The following ZDHHC14 variants were observed in gnomAD, a reference collection of about 807,000 sequenced individuals.
ZDHHC14 encodes zDHHC palmitoyltransferase 14.
In ZDHHC14, 16 loss-of-function variants were observed where a neutral mutation model predicts 47.7. The ratio of observed to expected loss-of-function variants is 0.34; its 90% CI spans 0.23 to 0.51. ZDHHC14 has a LOEUF of 0.51. ZDHHC14 is among the 20% of genes least tolerant of loss of function. The pLI is 0.97. For missense variants in ZDHHC14, 515 were observed against 662.5 expected, an observed-to-expected ratio of 0.78 and a Z score of 2.44; for synonymous variants, 293 against 278.9, an observed-to-expected ratio of 1.05 and a Z score of -0.50.
intron 1 of ZDHHC14, among the ~76,000 whole-genome samples, chr6:157,484,298 TATATATAC>T (rs1562443780): frequency 8.5e-5 from 10 of 117,268 alleles, no homozygotes; most frequent in African/African-American, 2.9e-4. Flanking sequence ...TATGTGTATA[TATATATAC>T]ATATATATAC....
chr6:157,506,940 C>T (rs968901700), intron 1 of ZDHHC14, among the ~76,000 whole-genome samples: 2 of 146,664 alleles, frequency 1.4e-5, no homozygotes, highest in Admixed American at 6.9e-5. Flanking sequence ...ATTAAAGTAA[C>T]ATATAGTTTA....
chr6:157,458,849 A>AGTTTTTTTTTTTTTTTTTTT (rs1434832129), intron 1 of ZDHHC14, among the ~76,000 whole-genome samples: 1 of 81,216 alleles, frequency 1.2e-5, no homozygotes, highest in Non-Finnish European at 2.3e-5. Flanking sequence ...ATGTGGGTGG[A>AGTTTTTTTTTTTTTTTTTTT]TTTTTTTTTT....
intron 1 of ZDHHC14, among the ~76,000 whole-genome samples, chr6:157,534,082 G>C (rs1383273030): frequency 6.6e-6 from 1 of 152,160 alleles, no homozygotes; most frequent in South Asian, 2.1e-4. Flanking sequence ...TTCCTATACA[G>C]AGTTTCCAGA....
Position 157,468,390 on chromosome 6 carries a change from G to A in ZDHHC14, c.246-74195G>A, listed in dbSNP as rs142227617. On this transcript the variant is annotated intron_variant, in intron 1 of 8. Coordinates refer to ENST00000359775, the MANE Select transcript of ZDHHC14 (RefSeq NM_024630.3). ...TTTTACATCCTTCTGTTGTTAAAGGGCTTCCAGTATAGAGGACATGCTTAC... is the reference window on the plus strand; with the variant it reads ...TTTTACATCCTTCTGTTGTTAAAGGACTTCCAGTATAGAGGACATGCTTAC... Among the ~76,000 whole-genome samples, 13 of 152,316 alleles carry A rather than the reference G, an allele frequency of 8.5e-5. No homozygotes were observed. The East Asian group carries it at 2.5e-3, about 29-fold the overall frequency.
At chr6:157,474,844 C>T (rs985102929) in intron 1 of ZDHHC14, among the ~76,000 whole-genome samples, 8 of 152,144 alleles carry the variant, frequency 5.3e-5, no homozygotes, top group Admixed American at 3.9e-4. Context: ...TTCTCCCATT[C>T]TGTAGGTTGT....
chr6:157,463,283 T>C lies in ZDHHC14; in HGVS notation c.246-79302T>C, dbSNP rs566209479. Among the ~76,000 whole-genome samples, 42 of 151,772 alleles carry C rather than the reference T, an allele frequency of 2.8e-4. No individual in the cohort carries two copies. The highest frequency in any genetic ancestry group is 9.1e-4 in the African/African-American group (38 of 41,556). On this transcript the variant is annotated intron_variant, in intron 1 of 8. Transcript: ENST00000359775. This position sits in a 1 kb window ranked among gnomAD's most constrained non-coding sequence, Gnocchi z 4.4. ...GCATAGAACAATTGAAATTGGTTTT[T>C]CAATAGAAACAATTGAATAGTCCAG...
intron 1 of ZDHHC14, among the ~76,000 whole-genome samples, chr6:157,530,399 A>G (rs1028669478): frequency 6.6e-6 from 1 of 152,228 alleles, no homozygotes; most frequent in Admixed American, 6.5e-5. Flanking sequence ...TTTAGGTGAG[A>G]TAAAGGAATC....
chr6:157,393,246 A>G (rs895446666), intron 1 of ZDHHC14, among the ~76,000 whole-genome samples: 1 of 152,226 alleles, frequency 6.6e-6, no homozygotes, highest in African/African-American at 2.4e-5. Flanking sequence ...ATTTCTGTAC[A>G]TCTTCAAACT....
At chr6:157,443,988 T>C (rs984602331) in intron 1 of ZDHHC14, among the ~76,000 whole-genome samples, 1 of 152,062 alleles carries the variant, frequency 6.6e-6, no homozygotes, top group African/African-American at 2.4e-5. Context: ...TTTTTCAGAG[T>C]CAGCTAGCAT....
intron 1 of ZDHHC14, among the ~76,000 whole-genome samples, chr6:157,468,862 T>C (rs867965457): frequency 4.6e-5 from 7 of 152,328 alleles, no homozygotes; most frequent in Middle Eastern, 3.4e-3. Flanking sequence ...GGTGAAAAAT[T>C]TGACGCTCAG....
At chr6:157,395,279 G>C (rs1777498620) in intron 1 of ZDHHC14, among the ~76,000 whole-genome samples, 1 of 151,132 alleles carries the variant, frequency 6.6e-6, no homozygotes, top group Admixed American at 6.6e-5. Context: ...TCCCACCTCA[G>C]CCTCTGGAGT....
chr6:157,661,431 C>T (rs1030047635), intron 8 of ZDHHC14, among the ~76,000 whole-genome samples: 6 of 152,188 alleles, frequency 3.9e-5, no homozygotes, highest in Non-Finnish European at 7.3e-5. Flanking sequence ...ATTATATTTT[C>T]CTTTCTCTGT....
chr6:157,546,349 A>C (rs1234124564), intron 2 of ZDHHC14, among the ~76,000 whole-genome samples: 1 of 152,214 alleles, frequency 6.6e-6, no homozygotes, highest in African/African-American at 2.4e-5. Flanking sequence ...TATTCATTCT[A>C]ATTATCCGTT....
intron 1 of ZDHHC14, among the ~76,000 whole-genome samples, chr6:157,535,412 C>CGTGA (rs1781512789): frequency 6.6e-6 from 1 of 152,222 alleles, no homozygotes; most frequent in East Asian, 1.9e-4. Context: ...ACAGTTCTCA[C>CGTGA]CCGACAAAGG....
rs1327499341 is a variant in ZDHHC14, at chr6:157,381,921, TC to T, written c.-100del. Reference sequence around the variant, plus strand: ...CGTGTAGGGGCCGCGGCGCCGCGGCTCGGGGGGCGGCCGGGCGGCCGGCGGC... The same window carrying T: ...CGTGTAGGGGCCGCGGCGCCGCGGCTGGGGGGCGGCCGGGCGGCCGGCGGC... On this transcript the variant is annotated 5_prime_UTR_variant, in exon 1 of 9. Coordinates refer to ENST00000359775, the MANE Select transcript of ZDHHC14 (RefSeq NM_024630.3). 32 of 950,982 alleles carry T rather than the reference TC, an allele frequency of 3.4e-5. No individual in the cohort carries two copies. Among genetic ancestry groups the T allele is most frequent in the Admixed American group, 1.3e-4 (2 of 15,024 alleles). 58.9% of individuals were successfully genotyped at this position (950,982 alleles called of 1,614,324 possible).
rs1485349330 is a variant in ZDHHC14, at chr6:157,676,648, A to G, written c.*3526A>G. On this transcript the variant is annotated 3_prime_UTR_variant, in exon 9 of 9. Coordinates refer to ENST00000359775, the MANE Select transcript of ZDHHC14 (RefSeq NM_024630.3). Reference sequence around the variant, plus strand: ...AATTGGCAGTAGGTGTCCTTGACACAGGGGCTTCTGATGGCATCGCCCAGA... The same window carrying G: ...AATTGGCAGTAGGTGTCCTTGACACGGGGGCTTCTGATGGCATCGCCCAGA... The G allele has an allele frequency of 6.6e-6, 1 of 152,310 alleles. No individual in the cohort carries two copies. Among genetic ancestry groups the G allele is most frequent in the East Asian group, 1.9e-4 (1 of 5,204 alleles). The allele number at this position is 152,310 out of a possible 1,614,324, so 9.4% of individuals were successfully genotyped here.
At chr6:157,607,025 A>G (rs1453087502) in intron 3 of ZDHHC14, among the ~76,000 whole-genome samples, 1 of 142,072 alleles carries the variant, frequency 7.0e-6, no homozygotes, top group Non-Finnish European at 1.5e-5. Context: ...ATGATAAACC[A>G]TAGATCTTAC....
rs768063106 is a variant in ZDHHC14, at chr6:157,536,819, C to CTTTTTTTTTT, written c.246-5758_246-5749dup. Among the ~76,000 whole-genome samples the CTTTTTTTTTT allele has an allele frequency of 6.2e-4, 61 of 97,978 alleles. 12 individuals carry two copies. Among genetic ancestry groups the CTTTTTTTTTT allele is most frequent in the African/African-American group, 3.3e-3 (52 of 15,636 alleles). 64.3% of individuals were successfully genotyped at this position (97,978 alleles called of 152,430 possible). A position where few individuals can be genotyped will look rare whatever the true frequency, so the allele number is the denominator to read the frequency against. On this transcript the variant is annotated intron_variant, in intron 1 of 8. Transcript: ENST00000359775. ...TCTGTCTATCTATCCCTCCATCTAT[C>CTTTTTTTTTT]TTTTTTTTTTTTTTTTTGAGACAGA...
intron 1 of ZDHHC14, among the ~76,000 whole-genome samples, chr6:157,466,894 A>G (rs1051734120): frequency 2.6e-4 from 40 of 152,274 alleles, no homozygotes; most frequent in Admixed American, 2.0e-3. Flanking sequence ...TTAAAAAAAA[A>G]AGTAAAACCT....
Sources: gnomAD v4.1 joint callset for allele counts (sites outside exome capture counted in the v4.1 genomes callset) on GRCh38, gnomAD v4.1.1 for gene constraint, Gnocchi (gnomAD v3.1) non-coding constraint, MANE v1.5 for transcripts, NCBI Gene and HGNC (gene_info 2026-07-23, HGNC 2026-07-21) for gene names.